FAM184A: variants seen among roughly 807,000 people sequenced by gnomAD.
FAM184A encodes protein FAM184A.
FAM184A carries 99 observed loss-of-function variants against 143.8 expected under a neutral mutation model. The observed-to-expected ratio is 0.69, with a 90% CI of 0.58 to 0.81. The LOEUF is 0.81. FAM184A is among the 40% of genes least tolerant of loss of function. FAM184A has a pLI of 0.00. For missense variants in FAM184A, 1,217 were observed against 1,310.5 expected, an observed-to-expected ratio of 0.93 and a Z score of 1.10; for synonymous variants, 427 against 446.4, an observed-to-expected ratio of 0.96 and a Z score of 0.55.
At chr6:119,071,928 T>C (rs1218422865) in intron 1 of FAM184A, among the ~76,000 whole-genome samples, 1 of 141,440 alleles carries the variant, frequency 7.1e-6, no homozygotes, top group Non-Finnish European at 1.5e-5. Flanking sequence ...TGCAGTGGCA[T>C]GATCTCAACT....
chr6:119,061,307 C>T (rs1787227129), intron 1 of FAM184A, among the ~76,000 whole-genome samples: 1 of 151,858 alleles, frequency 6.6e-6, no homozygotes, highest in Non-Finnish European at 1.5e-5. Flanking sequence ...CCTGCAAAGG[C>T]CACAGGAAAA....
At chr6:119,083,903 C>A (rs1480465830) in intron 1 of FAM184A, among the ~76,000 whole-genome samples, 1 of 152,090 alleles carries the variant, frequency 6.6e-6, no homozygotes, top group Non-Finnish European at 1.5e-5. Flanking sequence ...ATCCCAGTAC[C>A]AATTTTTTGT....
At chr6:119,124,658 A>G (rs926460020) in intron 1 of FAM184A, among the ~76,000 whole-genome samples, 1 of 152,152 alleles carries the variant, frequency 6.6e-6, no homozygotes, top group African/African-American at 2.4e-5. Context: ...CTGGTAGTAG[A>G]GGTCTTTTTT....
chr6:118,968,669 A>C (rs1260950842), intron 14 of FAM184A, among the ~76,000 whole-genome samples: 3 of 152,216 alleles, frequency 2.0e-5, no homozygotes, highest in Non-Finnish European at 4.4e-5. Context: ...AGATTTATGA[A>C]CTGCTTCCCG....
intron 1 of FAM184A, among the ~76,000 whole-genome samples, chr6:119,045,948 A>C (rs1441513557): frequency 6.6e-6 from 1 of 152,218 alleles, no homozygotes; most frequent in Non-Finnish European, 1.5e-5. Context: ...AATGATGCTT[A>C]GGAAAAGTAT....
At chr6:119,128,679 G>A (rs1456365592) in intron 1 of FAM184A, among the ~76,000 whole-genome samples, 2 of 152,118 alleles carry the variant, frequency 1.3e-5, no homozygotes, top group African/African-American at 2.4e-5. Flanking sequence ...TTAAAACTGA[G>A]GCCCCCAGTT....
chr6:119,121,376 G>GTC (rs1789208277), intron 1 of FAM184A, among the ~76,000 whole-genome samples: 1 of 152,118 alleles, frequency 6.6e-6, no homozygotes. Flanking sequence ...AGCTCAAGCA[G>GTC]TCAGCCCACC....
Position 119,002,933 on chromosome 6 carries a change from GA to G in FAM184A, c.2053del (p.Ser685HisfsTer6). The G allele has an allele frequency of 6.2e-7, 1 of 1,612,088 alleles. No homozygotes were observed. Among genetic ancestry groups the G allele is most frequent in the South Asian group, 1.1e-5 (1 of 90,828 alleles). On this transcript the variant is annotated frameshift_variant, in exon 9 of 18. Transcript: ENST00000338891. LOFTEE classifies it high-confidence loss of function. ...KDREKNAARD[S>X]WQKKVEDLLN... ...GAGATCTTCTACTTTCTTCTGCCAT[GA>G]ATCTCTTGCTGCATTTTTCTCTCGA...
intron 1 of FAM184A, among the ~76,000 whole-genome samples, chr6:119,142,476 C>T (rs1402235237): frequency 6.6e-6 from 1 of 152,164 alleles, no homozygotes; most frequent in Non-Finnish European, 1.5e-5. Context: ...GGTATGAAAA[C>T]GACATTGAAC....
At chr6:119,050,235 T>C (rs1328877191) in intron 1 of FAM184A, among the ~76,000 whole-genome samples, 4 of 152,182 alleles carry the variant, frequency 2.6e-5, no homozygotes, top group Non-Finnish European at 5.9e-5. Flanking sequence ...GGTGGGAGTG[T>C]TAATTAGTTC....
intron 1 of FAM184A, among the ~76,000 whole-genome samples, chr6:119,111,605 C>T (rs896700590): frequency 6.6e-6 from 1 of 152,152 alleles, no homozygotes. Context: ...TTTATGTTAC[C>T]ATGTAATAAT....
intron 1 of FAM184A, among the ~76,000 whole-genome samples, chr6:119,049,543 ATC>A (rs1476567158): frequency 6.6e-6 from 1 of 152,254 alleles, no homozygotes; most frequent in East Asian, 1.9e-4. Context: ...ACCTATGACC[ATC>A]TAATCTTTGA....
At chr6:118,969,471 A>G (rs937484739) in intron 14 of FAM184A, among the ~76,000 whole-genome samples, 1 of 152,226 alleles carries the variant, frequency 6.6e-6, no homozygotes, top group Non-Finnish European at 1.5e-5. Flanking sequence ...TTAACTTGCA[A>G]ATATATTTCA....
chr6:119,138,469 G>A (rs1203644087), intron 1 of FAM184A, among the ~76,000 whole-genome samples: 1 of 152,138 alleles, frequency 6.6e-6, no homozygotes, highest in Non-Finnish European at 1.5e-5. Context: ...TACCTTACCA[G>A]CTTCTAGAAG....
At chr6:119,075,689 T>C (rs1787847892) in intron 1 of FAM184A, among the ~76,000 whole-genome samples, 2 of 152,230 alleles carry the variant, frequency 1.3e-5, no homozygotes, top group Non-Finnish European at 1.5e-5. Flanking sequence ...CCAACCATAG[T>C]TGGAACACAC....
At chr6:118,996,881 A>ATTT (rs571005695) in intron 9 of FAM184A, among the ~76,000 whole-genome samples, 9 of 139,068 alleles carry the variant, frequency 6.5e-5, no homozygotes, top group Admixed American at 2.2e-4. Context: ...TGCCTGGCTA[A>ATTT]TTTTTTTTTT....
chr6:118,979,452 C>T lies in FAM184A; in HGVS notation c.2368G>A (p.Glu790Lys), dbSNP rs764458556. 1 of 1,613,900 alleles carries T rather than the reference C, an allele frequency of 6.2e-7. No homozygotes were observed. ...TCTATCCGGAAGCCCTCCATTGACT[C>T]TCTGTGTGCATCTTTTAGTGATTGA... is the stretch of plus-strand genomic sequence containing the variant. ...ELQSLKDAHRESMEGFRIEME... is the reference protein window; with the variant it reads ...ELQSLKDAHRKSMEGFRIEME... The change falls in exon 11 of 18, where the codon GAG becomes AAG. Residue 790 changes from glutamate (E) to lysine (K), a missense_variant. Physicochemically the swap from Glu to Lys is moderately conservative, Grantham distance 56. Transcript: ENST00000338891.
chr6:119,082,863 G>T (rs1179465960), upstream of FAM184A, among the ~76,000 whole-genome samples: 1 of 152,176 alleles, frequency 6.6e-6, no homozygotes, highest in Admixed American at 6.5e-5. Context: ...GCACCACTAG[G>T]CAGTACCCCA....
chr6:119,053,402 C>G (rs1786840853), intron 1 of FAM184A, among the ~76,000 whole-genome samples: 1 of 152,178 alleles, frequency 6.6e-6, no homozygotes. Flanking sequence ...AACTCAGGCA[C>G]CTCTGACTCC....
Sources: allele counts gnomAD v4.1 joint callset (sites outside exome capture counted in the v4.1 genomes callset), GRCh38; gene constraint gnomAD v4.1.1; transcripts MANE v1.5; gene names NCBI Gene and HGNC (gene_info 2026-07-23, HGNC 2026-07-21).